The following SUSD6 variants were observed in gnomAD, a reference collection of about 807,000 sequenced individuals.
The protein encoded by SUSD6 is sushi domain containing 6, also known as sushi domain-containing protein 6.
Under a neutral mutation model 28.4 loss-of-function variants are expected in SUSD6, and 16 were observed. That is an observed-to-expected ratio of 0.56 (90% CI 0.38 to 0.86). The LOEUF is 0.86. SUSD6 is among the 40% of genes least tolerant of loss of function. The probability of loss-of-function intolerance (pLI) is 0.00; values close to 1 mark genes in which losing one functional copy is unlikely to be tolerated. For missense variants in SUSD6, 341 were observed against 384.2 expected (o/e 0.89, Z 0.94); for synonymous variants, 147 against 159.6 (o/e 0.92, Z 0.59).
At chr14:69,631,072 G>T (rs1181246665) in intron 1 of SUSD6, among the ~76,000 whole-genome samples, 1 of 152,224 alleles carries the variant, frequency 6.6e-6, no homozygotes, top group Non-Finnish European at 1.5e-5. Flanking sequence ...CCCAAAGCTT[G>T]CTGTGGCTTC....
intron 1 of SUSD6, among the ~76,000 whole-genome samples, chr14:69,621,060 A>G (rs1268251327): frequency 1.3e-5 from 2 of 152,082 alleles, no homozygotes; most frequent in Non-Finnish European, 2.9e-5. Context: ...CCCTCCCCCT[A>G]TATTTTACCT....
chr14:69,689,286 A>G (rs143916008), intron 2 of SUSD6, among the ~76,000 whole-genome samples: 68 of 152,342 alleles, frequency 4.5e-4, no homozygotes, highest in African/African-American at 1.6e-3. Flanking sequence ...TGTAGGACCA[A>G]TATCTTTTTA....
At chr14:69,654,547 G>A (rs920975354) in intron 1 of SUSD6, among the ~76,000 whole-genome samples, 1 of 152,146 alleles carries the variant, frequency 6.6e-6, no homozygotes, top group African/African-American at 2.4e-5. Flanking sequence ...GAGCAATTAG[G>A]TTTTTGGGAT....
At chr14:69,636,539 G>A (rs1049709458) in intron 1 of SUSD6, among the ~76,000 whole-genome samples, 2 of 152,222 alleles carry the variant, frequency 1.3e-5, no homozygotes, top group Non-Finnish European at 2.9e-5. Context: ...TCAGCTCTTA[G>A]AACAACTCTT....
chr14:69,706,365 A>G (rs1327405515), intron 4 of SUSD6, among the ~76,000 whole-genome samples: 1 of 152,180 alleles, frequency 6.6e-6, no homozygotes, highest in Non-Finnish European at 1.5e-5. Context: ...TGTAGACCCC[A>G]TTTAAATTTT....
At chr14:69,654,790 G>GGTGTGTGTGTTGTGTGTGT (rs1555344103) in intron 1 of SUSD6, among the ~76,000 whole-genome samples, 1 of 98,986 alleles carries the variant, frequency 1.0e-5, no homozygotes, top group African/African-American at 4.1e-5. Context: ...TTTTTTTTTT[G>GGTGTGTGTGTTGTGTGTGT]GTGTGTGTGT....
intron 5 of SUSD6, among the ~76,000 whole-genome samples, chr14:69,709,677 C>T (rs1886435776): frequency 6.6e-6 from 1 of 152,220 alleles, no homozygotes; most frequent in Admixed American, 6.5e-5. Flanking sequence ...TGGTAAATGG[C>T]TGAGCTGGGA....
chr14:69,655,591 G>A (rs981989675), intron 1 of SUSD6, among the ~76,000 whole-genome samples: 4 of 151,840 alleles, frequency 2.6e-5, no homozygotes, highest in Admixed American at 6.6e-5. Flanking sequence ...GAGGCCAGAA[G>A]TTTGAGAGCA....
At chr14:69,690,522 TC>T (rs1189089482) in intron 2 of SUSD6, among the ~76,000 whole-genome samples, 2 of 152,140 alleles carry the variant, frequency 1.3e-5, no homozygotes, top group African/African-American at 4.8e-5. Flanking sequence ...AGAGGGATCT[TC>T]CAGGAGCACG....
At chr14:69,674,544 G>A (rs920604734) in intron 2 of SUSD6, among the ~76,000 whole-genome samples, 1 of 152,094 alleles carries the variant, frequency 6.6e-6, no homozygotes, top group Non-Finnish European at 1.5e-5. Flanking sequence ...AGCCATCTAT[G>A]TGAGGGGTTC....
In SUSD6 at chr14:69,665,101, A is replaced by T. The variant is rs185816670; in HGVS notation, c.121+6388A>T. On this transcript the variant is annotated intron_variant, in intron 2 of 5. Coordinates refer to ENST00000342745, the MANE Select transcript of SUSD6 (RefSeq NM_014734.4). ...CTTTGGGGCCCAGAGGGACAGAAAC[A>T]TTTAGAGATAACGTTTCCATGGTGC... 5.7e-3 allele frequency among the ~76,000 whole-genome samples: 873 copies of T among 152,276 alleles called. 12 individuals carry two copies. The highest frequency in any genetic ancestry group is 4.9e-3 in the Non-Finnish European group (332 of 68,030).
intron 1 of SUSD6, among the ~76,000 whole-genome samples, chr14:69,639,774 T>C (rs1885321643): frequency 6.6e-6 from 1 of 152,128 alleles, no homozygotes; most frequent in Non-Finnish European, 1.5e-5. Flanking sequence ...GGATGTTTAG[T>C]TGACATGCCT....
At chr14:69,694,960 C>T (rs1434241161) in intron 2 of SUSD6, among the ~76,000 whole-genome samples, 1 of 152,178 alleles carries the variant, frequency 6.6e-6, no homozygotes, top group Non-Finnish European at 1.5e-5. Flanking sequence ...TGGGTGGTTT[C>T]TCCCTGTGTT....
intron 2 of SUSD6, among the ~76,000 whole-genome samples, chr14:69,665,601 G>A (rs867399616): frequency 5.3e-5 from 8 of 152,254 alleles, no homozygotes; most frequent in Middle Eastern, 3.4e-3. Context: ...TCTTCACATA[G>A]CTGTCTCTTA....
chr14:69,695,999 T>C lies in SUSD6; in HGVS notation c.122-7396T>C, dbSNP rs1051856896. 1.3e-5 allele frequency among the ~76,000 whole-genome samples: 2 copies of C among 152,250 alleles called. 1 individual carries two copies. The highest frequency in any genetic ancestry group is 4.8e-5 in the African/African-American group (2 of 41,470). Reference sequence around the variant, plus strand: ...GAATCACCTCCCCTTTGAAAAAGGCTGTTCATACTGGGTATAACTCTTTCT... The same window carrying C: ...GAATCACCTCCCCTTTGAAAAAGGCCGTTCATACTGGGTATAACTCTTTCT... On this transcript the variant is annotated intron_variant, in intron 2 of 5. Coordinates refer to ENST00000342745, the MANE Select transcript of SUSD6 (RefSeq NM_014734.4).
At chr14:69,659,505 TTTTG>T (rs143739135) in intron 2 of SUSD6, among the ~76,000 whole-genome samples, 2,526 of 152,002 alleles carry the variant, frequency 0.017, 50 homozygotes, top group African/African-American at 0.046. Context: ...CATTGAGCCT[TTTTG>T]TTTGTTTGTT....
intron 1 of SUSD6, among the ~76,000 whole-genome samples, chr14:69,632,185 A>C (rs1040970004): frequency 6.6e-6 from 1 of 152,192 alleles, no homozygotes; most frequent in African/African-American, 2.4e-5. Flanking sequence ...GTTAATGGCA[A>C]CCCTTCCAGA....
chr14:69,638,350 C>T (rs138409750), intron 1 of SUSD6, among the ~76,000 whole-genome samples: 11 of 151,462 alleles, frequency 7.3e-5, no homozygotes, highest in African/African-American at 2.4e-4. Flanking sequence ...CTAAGAAAGA[C>T]GCAAAAAGGA....
intron 1 of SUSD6, among the ~76,000 whole-genome samples, chr14:69,657,323 C>T (rs1466422315): frequency 6.6e-5 from 10 of 152,154 alleles, no homozygotes; most frequent in South Asian, 2.1e-4. Context: ...GGTGTGGTGG[C>T]GGGCACCTGT....
Sources: gnomAD v4.1 joint callset for allele counts (sites outside exome capture counted in the v4.1 genomes callset) on GRCh38, gnomAD v4.1.1 for gene constraint, MANE v1.5 for transcripts, NCBI Gene and HGNC (gene_info 2026-07-23, HGNC 2026-07-21) for gene names.